Variants in GDAP2 observed in about 807,000 individuals in gnomAD.
The protein encoded by GDAP2 is ganglioside induced differentiation associated protein 2, also known as ganglioside-induced differentiation-associated protein 2.
GDAP2 carries 51 observed loss-of-function variants against 67.0 expected under a neutral mutation model. That is an observed-to-expected ratio of 0.76 (90% CI 0.61 to 0.96). GDAP2 has a LOEUF of 0.96. GDAP2 is among the 40% of genes least tolerant of loss of function. GDAP2 has a pLI of 0.00. For synonymous variants in GDAP2, 203 were observed against 207.3 expected, an observed-to-expected ratio of 0.98 and a Z score of 0.18; for missense variants, 547 against 588.3, an observed-to-expected ratio of 0.93 and a Z score of 0.73.
chr1:117,890,095 T>C (rs886649119), intron 8 of GDAP2, among the ~76,000 whole-genome samples: 10 of 152,056 alleles, frequency 6.6e-5, no homozygotes, highest in Admixed American at 2.6e-4. Context: ...CGAAGAAAAT[T>C]AACTTTGTAA....
At chr1:117,912,791 G>A (rs1649906951) in intron 3 of GDAP2, 108 bp from the exon 4 acceptor site, 3 of 941,754 alleles carry the variant, frequency 3.2e-6, no homozygotes, top group African/African-American at 1.6e-5. Context: ...AGAAATTTCA[G>A]TTAAAAATAC....
chr1:117,901,550 T>C (rs1649468966), intron 6 of GDAP2, among the ~76,000 whole-genome samples: 1 of 152,256 alleles, frequency 6.6e-6, no homozygotes, highest in South Asian at 2.1e-4. Context: ...CCTTCGTAAT[T>C]ATAGCCATGT....
chr1:117,883,367 A>G, intron 11 of GDAP2, 121 bp downstream of exon 11: 1 of 686,492 alleles, frequency 1.5e-6, no homozygotes, highest in Non-Finnish European at 2.5e-6. Flanking sequence ...TAATCTAGGT[A>G]TGATAAAAGT....
intron 2 of GDAP2, among the ~76,000 whole-genome samples, chr1:117,919,194 GA>G (rs1438937748): frequency 6.6e-6 from 1 of 152,120 alleles, no homozygotes; most frequent in Non-Finnish European, 1.5e-5. Flanking sequence ...CTGACACGGT[GA>G]AACCCCATCT....
At position 117,906,602 on chromosome 1, in the gene GDAP2, GATTACTCA is replaced by G; in HGVS notation, c.560-28_560-21del. The G allele has an allele frequency of 7.9e-7, 1 of 1,263,870 alleles. No homozygotes were observed. Among genetic ancestry groups the G allele is most frequent in the Non-Finnish European group, 1.1e-6 (1 of 885,744 alleles). The allele number at this position is 1,263,870 out of a possible 1,614,324, so 78.3% of individuals were successfully genotyped here. ...CAGTGCCTAAGGAAAAGAATAGAAA[GATTACTCA>G]ATAAATAAAAAATTACTTATACATA... On this transcript the variant is annotated intron_variant, in intron 5 of 13. Coordinates refer to ENST00000369443, the MANE Select transcript of GDAP2 (RefSeq NM_017686.4).
At chr1:117,898,794 A>G (rs546009348) in intron 7 of GDAP2, among the ~76,000 whole-genome samples, 1 of 152,370 alleles carries the variant, frequency 6.6e-6, no homozygotes, top group Non-Finnish European at 1.5e-5. Flanking sequence ...GCATGAAACT[A>G]TAACCTCCAT....
intron 1 of GDAP2, among the ~76,000 whole-genome samples, chr1:117,927,476 A>G (rs1474278948): frequency 3.3e-5 from 5 of 152,226 alleles, no homozygotes; most frequent in African/African-American, 1.2e-4. Context: ...TGATCAGACC[A>G]GCCTGGATAA....
chr1:117,884,869 C>T (rs1282643275), intron 10 of GDAP2, among the ~76,000 whole-genome samples: 1 of 150,918 alleles, frequency 6.6e-6, no homozygotes, highest in Non-Finnish European at 1.5e-5. Context: ...GACAGGGTCG[C>T]TCTCTGTCAC....
chr1:117,926,713 GC>G (rs1392804117), intron 1 of GDAP2, among the ~76,000 whole-genome samples: 2 of 152,198 alleles, frequency 1.3e-5, no homozygotes, highest in South Asian at 2.1e-4. Context: ...AAGGTCACAG[GC>G]CCCTTTGAGA....
chr1:117,900,095 A>G (rs540407507), intron 6 of GDAP2, among the ~76,000 whole-genome samples: 5 of 152,306 alleles, frequency 3.3e-5, no homozygotes, highest in African/African-American at 7.2e-5. Context: ...AAACTGAGAC[A>G]GAATTCACAT....
intron 9 of GDAP2, 144 bp from the exon 10 acceptor site, chr1:117,886,797 A>AT (rs1230636828): frequency 3.9e-5 from 22 of 558,362 alleles, no homozygotes; most frequent in South Asian, 1.8e-4. Flanking sequence ...TCATCTTCCA[A>AT]TTTTTTTTCT....
chr1:117,909,608 TGTAA>T (rs1320348534), intron 5 of GDAP2, among the ~76,000 whole-genome samples: 2 of 152,222 alleles, frequency 1.3e-5, no homozygotes, highest in Non-Finnish European at 2.9e-5. Flanking sequence ...TCATCTTCTG[TGTAA>T]GTGTTTGAAT....
At chr1:117,885,738 T>C (rs1042561765) in intron 10 of GDAP2, among the ~76,000 whole-genome samples, 5 of 152,186 alleles carry the variant, frequency 3.3e-5, no homozygotes, top group Non-Finnish European at 7.4e-5. Context: ...TCTGTGTAAT[T>C]TTGCATTTTT....
At chr1:117,898,179 T>C (rs775374365) in intron 7 of GDAP2, among the ~76,000 whole-genome samples, 5 of 152,196 alleles carry the variant, frequency 3.3e-5, no homozygotes, top group Non-Finnish European at 7.3e-5. Flanking sequence ...AAATGCATTT[T>C]ATGAAAGAAA....
chr1:117,878,190 G>T (rs1168620750), intron 12 of GDAP2, 38 bp from the exon 13 acceptor site: 2 of 1,142,910 alleles, frequency 1.7e-6, no homozygotes, highest in Admixed American at 2.3e-5. Context: ...TAAGCTAGTT[G>T]CCATAGTTAG....
intron 1 of GDAP2, among the ~76,000 whole-genome samples, chr1:117,924,083 A>G (rs1204596696): frequency 2.6e-5 from 4 of 152,232 alleles, no homozygotes; most frequent in Non-Finnish European, 5.9e-5. Context: ...TGTATCTTTC[A>G]TCAGGAGGCA....
intron 13 of GDAP2, 93 bp downstream of exon 13, chr1:117,877,916 C>T: frequency 7.0e-7 from 1 of 1,423,668 alleles, no homozygotes. Flanking sequence ...ACATTAATAT[C>T]TGGTAATGAC....
rs201107731 is a variant in GDAP2 at position 117,899,215 on chromosome 1, C to G, written c.638G>C (p.Gly213Ala). The change falls in exon 7 of 14, where the codon GGT (glycine) becomes GCT (alanine). Residue 213 changes from glycine to alanine, a missense_variant and splice_region_variant. Coordinates refer to ENST00000369443, the MANE Select transcript of GDAP2 (RefSeq NM_017686.4). ...GAGAGGTAGCAGCTTTTGGTAAGTACCCTGTGTCAGAAAAGCAAGACATTC... is the reference window on the plus strand; with the variant it reads ...GAGAGGTAGCAGCTTTTGGTAAGTAGCCTGTGTCAGAAAAGCAAGACATTC... ...VVFAVSDLEE[G>A]TYQKLLPLYF... 1 of 1,607,154 alleles carries G rather than the reference C, an allele frequency of 6.2e-7. No individual in the cohort carries two copies. Among genetic ancestry groups the G allele is most frequent in the Non-Finnish European group, 8.5e-7 (1 of 1,173,850 alleles).
chr1:117,911,949 A>T (rs1443821026), intron 5 of GDAP2, 45 bp downstream of exon 5: 7 of 1,168,652 alleles, frequency 6.0e-6, no homozygotes, highest in Admixed American at 1.7e-5. Context: ...AATTTAAAAA[A>T]TTTTTAAGAT....
Sources: allele counts gnomAD v4.1 joint callset (sites outside exome capture counted in the v4.1 genomes callset), GRCh38; gene constraint gnomAD v4.1.1; transcripts MANE v1.5; gene names NCBI Gene and HGNC (gene_info 2026-07-23, HGNC 2026-07-21).